FLVCR2: variants seen among roughly 807,000 people sequenced by gnomAD.
FLVCR2 encodes FLVCR choline and putative heme transporter 2.
Under a neutral mutation model 48.9 loss-of-function variants are expected in FLVCR2, and 38 were observed. The ratio of observed to expected loss-of-function variants is 0.78; its 90% confidence interval spans 0.60 to 1.02. The LOEUF is 1.02. Ranked by LOEUF, FLVCR2 falls within the 50% of genes least tolerant of loss-of-function variation. The probability of loss-of-function intolerance (pLI) is 0.00; values close to 1 mark genes in which losing one functional copy is unlikely to be tolerated. For missense variants in FLVCR2, 664 were observed against 663.3 expected, an observed-to-expected ratio of 1.00 and a Z score of -0.01; for synonymous variants, 255 against 257.0, an observed-to-expected ratio of 0.99 and a Z score of 0.07.
rs767671054 is a variant in FLVCR2, at chr14:75,634,920, T to TGAATGCTG, written c.1035_1042dup (p.Arg348MetfsTer7). On this transcript the variant is annotated frameshift_variant, in exon 5 of 10. Coordinates refer to ENST00000238667, the MANE Select transcript of FLVCR2 (RefSeq NM_017791.3). LOFTEE classifies it high-confidence loss of function. ...TTATGGTTTCCCCAGGGGGAAGAAG[T>TGAATGCTG]GAATGCTGGAAGAATTGGCCTGACG... 1.2e-6 allele frequency: 2 copies of TGAATGCTG among 1,612,848 alleles called. No individual in the cohort carries two copies. Among genetic ancestry groups the TGAATGCTG allele is most frequent in the South Asian group, 2.2e-5 (2 of 90,986 alleles).
intron 7 of FLVCR2, 51 bp from the exon 8 acceptor site, chr14:75,641,131 A>G (rs570271628): frequency 4.5e-6 from 7 of 1,551,198 alleles, no homozygotes; most frequent in South Asian, 1.1e-5. Context: ...GTTCTTCCTC[A>G]TGAGTTAGTT....
chr14:75,637,321 T>G (rs1352201783), intron 5 of FLVCR2, among the ~76,000 whole-genome samples: 1 of 152,252 alleles, frequency 6.6e-6, no homozygotes, highest in Non-Finnish European at 1.5e-5. Context: ...TGTGAAGTGC[T>G]TCACAGAATC....
At chr14:75,625,315 C>T (rs1373374244) in intron 3 of FLVCR2, among the ~76,000 whole-genome samples, 1 of 151,928 alleles carries the variant, frequency 6.6e-6, no homozygotes, top group African/African-American at 2.4e-5. Context: ...TCTGAATGCA[C>T]AACAACATCC....
At chr14:75,623,310 T>C (rs2140038606) in intron 2 of FLVCR2, among the ~76,000 whole-genome samples, 1 of 152,304 alleles carries the variant, frequency 6.6e-6, no homozygotes, top group African/African-American at 2.4e-5. Flanking sequence ...TTTATATCCA[T>C]GTACATTTAA....
At chr14:75,613,030 G>T (rs1415379108) in intron 1 of FLVCR2, among the ~76,000 whole-genome samples, 1 of 152,184 alleles carries the variant, frequency 6.6e-6, no homozygotes. Flanking sequence ...TGCCTAAATA[G>T]TACCAACTTT....
chr14:75,578,798 A>G lies in FLVCR2; in HGVS notation c.-175A>G. Reference sequence around the variant, plus strand: ...AGCCCCAAGCAAAAGTGGGAGCAGGAGCTTGGAGGTGAGCACAGGAAGCCC... The same window carrying G: ...AGCCCCAAGCAAAAGTGGGAGCAGGGGCTTGGAGGTGAGCACAGGAAGCCC... On this transcript the variant is annotated 5_prime_UTR_variant, in exon 1 of 10. Transcript: ENST00000238667. 1 of 652,964 alleles carries G rather than the reference A, an allele frequency of 1.5e-6. No individual in the cohort carries two copies. Among genetic ancestry groups the G allele is most frequent in the Non-Finnish European group, 2.7e-6 (1 of 373,624 alleles). 40.4% of individuals were successfully genotyped at this position (652,964 alleles called of 1,614,324 possible). A position where few individuals can be genotyped will look rare whatever the true frequency, so the allele number is the denominator to read the frequency against.
chr14:75,616,958 C>T (rs564927963), intron 1 of FLVCR2, among the ~76,000 whole-genome samples: 1 of 152,290 alleles, frequency 6.6e-6, no homozygotes, highest in Admixed American at 6.5e-5. Context: ...TGGATCCTCC[C>T]TGGATGGCCT....
intron 3 of FLVCR2, among the ~76,000 whole-genome samples, chr14:75,627,261 GC>G (rs1889922991): frequency 6.6e-6 from 1 of 151,154 alleles, no homozygotes; most frequent in Non-Finnish European, 1.5e-5. Flanking sequence ...AAATAGGAAA[GC>G]ACTTCTTGAA....
chr14:75,579,621 G>T lies in FLVCR2; in HGVS notation c.649G>T (p.Val217Leu), dbSNP rs1232681321. The T allele has an allele frequency of 1.2e-6, 2 of 1,614,132 alleles. No individual in the cohort carries two copies. ...GANEVSTACS[V>L]AVFGNQLGIA... ...TAATGAGGTTTCAACAGCCTGCTCCGTGGCTGTCTTTGGCAATCAGGTAGG... is the reference window on the plus strand; with the variant it reads ...TAATGAGGTTTCAACAGCCTGCTCCTTGGCTGTCTTTGGCAATCAGGTAGG... Residue 217 changes from valine to leucine, a missense_variant, in exon 1 of 10, where the codon GTG (valine) becomes TTG (leucine). Val to Leu is a conservative substitution (Grantham distance 32). Coordinates refer to ENST00000238667, the MANE Select transcript of FLVCR2 (RefSeq NM_017791.3).
chr14:75,611,655 T>C lies in FLVCR2; in HGVS notation c.670-10424T>C, dbSNP rs370012960. 5.3e-5 allele frequency among the ~76,000 whole-genome samples: 8 copies of C among 152,164 alleles called. No homozygotes were observed. The East Asian group carries it at 1.4e-3, about 26-fold the overall frequency. Reference sequence around the variant, plus strand: ...TGGGAGGCCGAGGTGAGAGGATTGCTTGAGCCAGGGAAGTAGAAGCTTCAG... The same window carrying C: ...TGGGAGGCCGAGGTGAGAGGATTGCCTGAGCCAGGGAAGTAGAAGCTTCAG... On this transcript the variant is annotated intron_variant, in intron 1 of 9. Transcript: ENST00000238667.
chr14:75,580,362 T>C (rs1398250617), intron 1 of FLVCR2, among the ~76,000 whole-genome samples: 1 of 152,204 alleles, frequency 6.6e-6, no homozygotes, highest in East Asian at 1.9e-4. Context: ...CTGAATGCCG[T>C]CTCCAAATAC....
intron 5 of FLVCR2, 90 bp downstream of exon 5, chr14:75,635,103 G>A: frequency 1.2e-6 from 1 of 869,396 alleles, no homozygotes; most frequent in East Asian, 2.5e-5. Context: ...GTCATTGTTT[G>A]GAGATCCTAG....
In FLVCR2 at chr14:75,579,518, G is replaced by A; in HGVS notation, c.546G>A (p.Val182=). ...LKPHLFPVTV[V]GQLICSVAQV... ...CGCATCTCTTTCCGGTCACCGTGGTGGGCCAGCTCATCTGCTCTGTGGCCC... is the reference window on the plus strand; with the variant it reads ...CGCATCTCTTTCCGGTCACCGTGGTAGGCCAGCTCATCTGCTCTGTGGCCC... Residue 182 remains valine (V), a synonymous_variant, in exon 1 of 10, where the codon GTG becomes GTA. Coordinates refer to ENST00000238667, the MANE Select transcript of FLVCR2 (RefSeq NM_017791.3). 6.2e-7 allele frequency: 1 copy of A among 1,613,126 alleles called. No homozygotes were observed. The highest frequency in any genetic ancestry group is 1.1e-5 in the South Asian group (1 of 91,066).
rs145571548 is a variant in FLVCR2, at chr14:75,632,851, C to G, written c.953-778C>G. ...TGGTGACGATAATACTACCTACTTT[C>G]TAGAGTTGTCATAAAGTGTCTAATC... On this transcript the variant is annotated intron_variant, in intron 3 of 9. Coordinates refer to ENST00000238667, the MANE Select transcript of FLVCR2 (RefSeq NM_017791.3). 4.6e-4 allele frequency: 326 copies of G among 702,328 alleles called. 3 individuals are homozygous for G. In the African/African-American group the frequency reaches 4.9e-3, roughly 10 times the overall value. The allele number at this position is 702,328 out of a possible 1,614,324, so 43.5% of individuals were successfully genotyped here.
At chr14:75,640,258 CAAAA>C (rs11453901) in intron 6 of FLVCR2, among the ~76,000 whole-genome samples, 1 of 97,634 alleles carries the variant, frequency 1.0e-5, no homozygotes, top group African/African-American at 4.5e-5. Context: ...GACTCCGTCT[CAAAA>C]AAAAAAAAAA....
chr14:75,641,159 C>G, intron 7 of FLVCR2, 23 bp from the exon 8 acceptor site: 1 of 1,585,118 alleles, frequency 6.3e-7, no homozygotes, highest in African/African-American at 1.3e-5. Context: ...CCCTTGTTTC[C>G]TATCTTCTTT....
At chr14:75,605,612 C>T (rs562934129) in intron 1 of FLVCR2, 26 of 1,536,026 alleles carry the variant, frequency 1.7e-5, no homozygotes, top group Admixed American at 7.8e-5. Flanking sequence ...TTTGTAGAAG[C>T]GTGAGACAGG....
chr14:75,616,291 C>T (rs1394498553), intron 1 of FLVCR2, among the ~76,000 whole-genome samples: 1 of 151,242 alleles, frequency 6.6e-6, no homozygotes, highest in Non-Finnish European at 1.5e-5. Context: ...TGCGCCACTG[C>T]ACTCCAGCCT....
At chr14:75,617,485 G>A (rs1889646635) in intron 1 of FLVCR2, among the ~76,000 whole-genome samples, 1 of 152,092 alleles carries the variant, frequency 6.6e-6, no homozygotes, top group African/African-American at 2.4e-5. Context: ...ACCCTCTATT[G>A]GGATGAAGTA....
Sources: gnomAD v4.1 joint callset for allele counts (sites outside exome capture counted in the v4.1 genomes callset) on GRCh38, gnomAD v4.1.1 for gene constraint, MANE v1.5 for transcripts, NCBI Gene and HGNC (gene_info 2026-07-23, HGNC 2026-07-21) for gene names.